OR14I1: variants seen among roughly 807,000 people sequenced by gnomAD.
OR14I1 encodes the protein olfactory receptor 14I1.
For synonymous variants in OR14I1, 118 were observed against 71.1 expected (o/e 1.66, Z -3.32); for missense variants, 279 against 181.8 (o/e 1.53, Z -3.07).
downstream of OR14I1, among the ~76,000 whole-genome samples, chr1:248,680,544 C>T (rs542110346): frequency 3.3e-5 from 5 of 152,292 alleles, no homozygotes; most frequent in South Asian, 1.0e-3. Flanking sequence ...TGGCAGACAG[C>T]CCATGTGCCA....
At chr1:248,681,412 G>A (rs769379734) in exon 1 of OR14I1, 1 of 777,732 alleles carries the variant, frequency 1.3e-6, no homozygotes, top group Non-Finnish European at 2.4e-6. Flanking sequence ...TCTCCACATG[G>A]CTGTTTTAAT....
chr1:248,684,390 G>A (rs571904244), upstream of OR14I1, among the ~76,000 whole-genome samples: 55 of 152,344 alleles, frequency 3.6e-4, no homozygotes, highest in African/African-American at 1.2e-3. Flanking sequence ...TGTGTAAGCA[G>A]CCTACCTACT....
chr1:248,686,435 T>C (rs568790569), upstream of OR14I1, among the ~76,000 whole-genome samples: 2 of 152,182 alleles, frequency 1.3e-5, no homozygotes, highest in Non-Finnish European at 2.9e-5. Context: ...ATCCCACTTA[T>C]ATCAAGCAAA....
At chr1:248,686,252 G>A (rs1661648485), upstream of OR14I1, among the ~76,000 whole-genome samples, 1 of 152,186 alleles carries the variant, frequency 6.6e-6, no homozygotes, top group Non-Finnish European at 1.5e-5. Context: ...GCTGTTTTAA[G>A]TTGGGGAACC....
the OR14I1 span, among the ~76,000 whole-genome samples, chr1:248,696,477 C>A: frequency 6.6e-6 from 1 of 152,128 alleles, no homozygotes; most frequent in East Asian, 1.9e-4. Context: ...GGGAATCAGT[C>A]GACTTCTGTT....
At chr1:248,685,210 T>G (rs1661629190), upstream of OR14I1, among the ~76,000 whole-genome samples, 1 of 152,118 alleles carries the variant, frequency 6.6e-6, no homozygotes, top group South Asian at 2.1e-4. Flanking sequence ...AAAAATATGA[T>G]TAAACATTAA....
chr1:248,685,407 C>A (rs186212455), upstream of OR14I1, among the ~76,000 whole-genome samples: 38 of 152,070 alleles, frequency 2.5e-4, 1 homozygote, highest in Admixed American at 2.5e-3. Context: ...ACCAAACAAC[C>A]AAGAATTGCA....
At chr1:248,688,618 T>C in the OR14I1 span, among the ~76,000 whole-genome samples, 1 of 152,214 alleles carries the variant, frequency 6.6e-6, no homozygotes, top group African/African-American at 2.4e-5. Flanking sequence ...CTGGTACAAC[T>C]TTTCTCTCCT....
At chr1:248,687,127 T>A (rs778683581), upstream of OR14I1, among the ~76,000 whole-genome samples, 2 of 152,174 alleles carry the variant, frequency 1.3e-5, no homozygotes, top group Admixed American at 6.5e-5. Flanking sequence ...GAGGAAGTGA[T>A]GAGCATGAGA....
the OR14I1 span, among the ~76,000 whole-genome samples, chr1:248,693,030 G>A: frequency 6.6e-6 from 1 of 152,174 alleles, no homozygotes; most frequent in Non-Finnish European, 1.5e-5. Flanking sequence ...AGGTTATAGG[G>A]TACTGTGTGA....
the OR14I1 span, among the ~76,000 whole-genome samples, chr1:248,691,571 C>A: frequency 3.9e-5 from 6 of 152,254 alleles, no homozygotes; most frequent in African/African-American, 7.2e-5. Context: ...TCCAGCTCCT[C>A]CAAGTTCTTC....
downstream of OR14I1, among the ~76,000 whole-genome samples, chr1:248,680,390 G>A (rs911972768): frequency 2.0e-5 from 3 of 152,168 alleles, no homozygotes; most frequent in African/African-American, 4.8e-5. Flanking sequence ...ACACAACTGC[G>A]ATGGGCTAAT....
the OR14I1 span, among the ~76,000 whole-genome samples, chr1:248,692,388 A>T: frequency 6.6e-6 from 1 of 152,112 alleles, no homozygotes; most frequent in Admixed American, 6.5e-5. Flanking sequence ...TCCCAACTGC[A>T]TCCCCCAACG....
the OR14I1 span, among the ~76,000 whole-genome samples, chr1:248,702,058 C>A: frequency 1.4e-3 from 216 of 152,182 alleles, 1 homozygote; most frequent in African/African-American, 5.0e-3. Flanking sequence ...TTTTAAACAA[C>A]CAGATCTCAT....
the OR14I1 span, among the ~76,000 whole-genome samples, chr1:248,695,050 A>T: frequency 6.6e-6 from 1 of 152,156 alleles, no homozygotes; most frequent in Admixed American, 6.5e-5. Flanking sequence ...TTCAGAGCAG[A>T]GTAGGGTATG....
At chr1:248,679,577 C>T (rs907060047), downstream of OR14I1, among the ~76,000 whole-genome samples, 5 of 152,118 alleles carry the variant, frequency 3.3e-5, no homozygotes, top group African/African-American at 4.8e-5. Flanking sequence ...AGTCAACTTG[C>T]TCCCTAAAAT....
chr1:248,695,528 C>T, the OR14I1 span, among the ~76,000 whole-genome samples: 12,099 of 152,102 alleles, frequency 0.08, 1,576 homozygotes, highest in African/African-American at 0.27. Flanking sequence ...CCACTGCGCC[C>T]GGCCGAATCT....
chr1:248,687,115 G>A (rs1035783534), upstream of OR14I1, among the ~76,000 whole-genome samples: 6 of 152,164 alleles, frequency 3.9e-5, no homozygotes, highest in Admixed American at 2.6e-4. Context: ...CTCAGAGTCC[G>A]TGAGGAAGTG....
upstream of OR14I1, among the ~76,000 whole-genome samples, chr1:248,683,448 C>A (rs1661595398): frequency 6.6e-6 from 1 of 152,114 alleles, no homozygotes; most frequent in South Asian, 2.1e-4. Flanking sequence ...ATTTTAAAAT[C>A]AGGTTACTGA....
Sources: allele counts gnomAD v4.1 joint callset (sites outside exome capture counted in the v4.1 genomes callset), GRCh38; gene constraint gnomAD v4.1.1; transcripts MANE v1.5; gene names NCBI Gene and HGNC (gene_info 2026-07-23, HGNC 2026-07-21).